Variants in SPAG16 observed in about 807,000 individuals in gnomAD.
SPAG16 encodes the protein sperm associated antigen 16, also known as sperm-associated antigen 16 protein.
A neutral mutation model predicts 80.4 loss-of-function variants in SPAG16; 86 were observed. The observed-to-expected ratio is 1.07, with a 90% confidence interval of 0.90 to 1.28. The LOEUF is 1.28. SPAG16 is among the 50% of genes most tolerant of loss of function. The pLI is 0.00. For synonymous variants in SPAG16, 294 were observed against 265.9 expected (o/e 1.11, Z -1.03); for missense variants, 870 against 765.3 (o/e 1.14, Z -1.61).
intron 12 of SPAG16, among the ~76,000 whole-genome samples, chr2:213,958,956 C>T (rs1367328378): frequency 3.3e-5 from 5 of 152,156 alleles, no homozygotes; most frequent in Non-Finnish European, 7.4e-5. Context: ...GGTAACAAAC[C>T]ACCTTAATGT....
intron 14 of SPAG16, among the ~76,000 whole-genome samples, chr2:214,130,287 G>T (rs1373593029): frequency 6.6e-6 from 1 of 152,154 alleles, no homozygotes; most frequent in Non-Finnish European, 1.5e-5. Context: ...CACAGAAAGG[G>T]AGGTTTTGTG....
chr2:214,251,339 G>GTAA (rs200306542), intron 15 of SPAG16, among the ~76,000 whole-genome samples: 1 of 151,696 alleles, frequency 6.6e-6, no homozygotes, highest in East Asian at 1.9e-4. Context: ...AGAATTAAAA[G>GTAA]TAATAATAAT....
rs957223605 is a variant in SPAG16 at position 213,720,424 on chromosome 2, G to A, written c.1071-142061G>A. ...GGGCAGATCATGAGGTCAGGAGATC[G>A]AGACTATCCTGCCTAACATGGTGAA... On this transcript the variant is annotated intron_variant, in intron 10 of 15. Transcript: ENST00000331683. 5.3e-5 allele frequency among the ~76,000 whole-genome samples: 8 copies of A among 150,296 alleles called. No individual in the cohort carries two copies. The East Asian group carries it at 6.0e-4, about 11-fold the overall frequency.
intron 15 of SPAG16, among the ~76,000 whole-genome samples, chr2:214,283,566 ACT>A (rs895067152): frequency 6.6e-6 from 1 of 152,148 alleles, no homozygotes; most frequent in Non-Finnish European, 1.5e-5. Flanking sequence ...AGCAAGAAAC[ACT>A]CTGGAGATAA....
At chr2:213,908,555 G>A (rs1237577670) in intron 11 of SPAG16, among the ~76,000 whole-genome samples, 1 of 151,984 alleles carries the variant, frequency 6.6e-6, no homozygotes, top group Non-Finnish European at 1.5e-5. Context: ...TTTCCTTAAC[G>A]CTGAAATCTA....
At chr2:213,335,324 C>T (rs1051952959) in intron 5 of SPAG16, among the ~76,000 whole-genome samples, 2 of 152,122 alleles carry the variant, frequency 1.3e-5, no homozygotes, top group African/African-American at 4.8e-5. Flanking sequence ...ATTTTAAATA[C>T]AGGCTTTATT....
chr2:214,231,398 A>G (rs960203453), intron 15 of SPAG16, among the ~76,000 whole-genome samples: 1 of 152,012 alleles, frequency 6.6e-6, no homozygotes, highest in South Asian at 2.1e-4. Context: ...TCGACTTCAG[A>G]GTGAACTGAG....
chr2:213,364,236 G>T, intron 8 of SPAG16, 91 bp downstream of exon 8: 2 of 587,086 alleles, frequency 3.4e-6, no homozygotes, highest in Non-Finnish European at 5.3e-6. Context: ...ATATTTAAAG[G>T]TGAGTAAGTG....
At chr2:214,041,171 T>C (rs1559724566) in intron 13 of SPAG16, among the ~76,000 whole-genome samples, 1 of 152,010 alleles carries the variant, frequency 6.6e-6, no homozygotes, top group East Asian at 1.9e-4. Flanking sequence ...AATCCTTTTT[T>C]TTCTCTTTTT....
chr2:213,303,680 C>G (rs906337512), intron 3 of SPAG16, among the ~76,000 whole-genome samples: 24 of 152,012 alleles, frequency 1.6e-4, no homozygotes, highest in African/African-American at 5.6e-4. Flanking sequence ...GATGTCCAGG[C>G]CCATCCATGT....
chr2:214,354,162 T>C (rs1698611556), intron 15 of SPAG16, among the ~76,000 whole-genome samples: 1 of 152,120 alleles, frequency 6.6e-6, no homozygotes. Context: ...AAAAAAATGA[T>C]ATACATTTTT....
At chr2:213,335,404 C>T (rs918158806) in intron 5 of SPAG16, among the ~76,000 whole-genome samples, 15 of 152,042 alleles carry the variant, frequency 9.9e-5, no homozygotes, top group Non-Finnish European at 5.9e-5. Context: ...GTAACTGTTA[C>T]ACTAAAAAAT....
At chr2:213,849,373 G>T (rs760725393) in intron 10 of SPAG16, among the ~76,000 whole-genome samples, 17 of 152,106 alleles carry the variant, frequency 1.1e-4, no homozygotes, top group Non-Finnish European at 2.1e-4. Context: ...CCAAACTGGG[G>T]ATAAAATTTC....
chr2:214,098,913 CT>C (rs35821000), intron 13 of SPAG16, among the ~76,000 whole-genome samples: 25 of 151,236 alleles, frequency 1.7e-4, no homozygotes, highest in Admixed American at 9.2e-4. Context: ...GTCAATGAGA[CT>C]TTTTTTTTGC....
At chr2:214,125,443 T>C (rs1273571028) in intron 14 of SPAG16, among the ~76,000 whole-genome samples, 1 of 151,722 alleles carries the variant, frequency 6.6e-6, no homozygotes, top group African/African-American at 2.4e-5. Flanking sequence ...TGTGAGGTTG[T>C]AACTTCGCCC....
At chr2:214,408,306 A>G (rs1004480936) in intron 15 of SPAG16, among the ~76,000 whole-genome samples, 2 of 152,164 alleles carry the variant, frequency 1.3e-5, no homozygotes, top group Non-Finnish European at 2.9e-5. Flanking sequence ...AAAGACTACA[A>G]GAAAAAAAGT....
intron 15 of SPAG16, chr2:214,238,233 C>T (rs776932439): frequency 2.2e-5 from 9 of 407,084 alleles, no homozygotes; most frequent in South Asian, 1.6e-4. Context: ...TAGGACTGCA[C>T]AATCTGAATA....
chr2:214,128,064 C>G lies in SPAG16; in HGVS notation c.1593+19803C>G, dbSNP rs141657667. Among the ~76,000 whole-genome samples the G allele has an allele frequency of 3.1e-4, 47 of 151,926 alleles. No individual in the cohort carries two copies. In the East Asian group the frequency reaches 7.3e-3, roughly 24 times the overall value. On this transcript the variant is annotated intron_variant, in intron 14 of 15. Coordinates refer to ENST00000331683, the MANE Select transcript of SPAG16 (RefSeq NM_024532.5). ...TTAATTCTCAAGTTGAATCACCCATCATCATGGGTTGTTTTAGGAAGTAAA... is the reference window on the plus strand; with the variant it reads ...TTAATTCTCAAGTTGAATCACCCATGATCATGGGTTGTTTTAGGAAGTAAA...
Position 213,498,154 on chromosome 2 carries a change from T to C in SPAG16, c.1070+8064T>C, listed in dbSNP as rs75665484. Among the ~76,000 whole-genome samples the C allele has an allele frequency of 5.0e-3, 768 of 152,234 alleles. 4 individuals carry two copies. Among genetic ancestry groups the C allele is most frequent in the African/African-American group, 0.015 (632 of 41,552 alleles). On this transcript the variant is annotated intron_variant, in intron 10 of 15. Transcript: ENST00000331683. The stretch of plus-strand genomic sequence containing the variant: ...TTAAATAATTAAAGGTGGCAAGACA[T>C]GGTGAAGTATGAGCAATCAGTAGTT...
Sources: gnomAD v4.1 joint callset for allele counts (sites outside exome capture counted in the v4.1 genomes callset) on GRCh38, gnomAD v4.1.1 for gene constraint, MANE v1.5 for transcripts, NCBI Gene and HGNC (gene_info 2026-07-23, HGNC 2026-07-21) for gene names.